The following TRIM41 variants were observed in gnomAD, a reference collection of about 807,000 sequenced individuals.
TRIM41 encodes the protein tripartite motif containing 41.
Under a neutral mutation model 60.6 loss-of-function variants are expected in TRIM41, and 21 were observed. The observed-to-expected ratio is 0.35, with a 90% CI of 0.25 to 0.50. TRIM41 has a LOEUF of 0.50. Ranked by LOEUF, TRIM41 falls within the 20% of genes least tolerant of loss-of-function variation. TRIM41 has a pLI of 0.98. For missense variants in TRIM41, 846 were observed against 868.3 expected (o/e 0.97, Z 0.32); for synonymous variants, 407 against 344.9 (o/e 1.18, Z -2.00).
In TRIM41 at chr5:181,235,252, AG is replaced by A; in HGVS notation, c.*479del. The A allele has an allele frequency of 6.2e-7, 1 of 1,601,956 alleles. No individual in the cohort carries two copies. On this transcript the variant is annotated 3_prime_UTR_variant, in exon 6 of 6. Coordinates refer to ENST00000315073, the MANE Select transcript of TRIM41 (RefSeq NM_033549.5). ...TGAGGGATTTGGAAGCCATTTGGGG[AG>A]GCAGGCTGGGCCAAAGGGTAGAGCT...
rs571163195 is a variant in TRIM41 at position 181,233,236 on chromosome 5, G to A, written c.1141-177G>A. 2.5e-5 allele frequency: 19 copies of A among 772,892 alleles called. No homozygotes were observed. Among genetic ancestry groups the A allele is most frequent in the South Asian group, 1.2e-4 (9 of 72,260 alleles). 47.9% of individuals were successfully genotyped at this position (772,892 alleles called of 1,614,324 possible). A position where few individuals can be genotyped will look rare whatever the true frequency, so the allele number is the denominator to read the frequency against. On this transcript the variant is annotated intron_variant, in intron 3 of 5. Coordinates refer to ENST00000315073, the MANE Select transcript of TRIM41 (RefSeq NM_033549.5). This position sits in a 1 kb window ranked among gnomAD's most constrained non-coding sequence, Gnocchi z 4.1. ...AGCAGGATGAGGCGAGTTAGGTATG[G>A]CGAGGCATGGGGTGGTTGAAATGGA...
Position 181,232,783 on chromosome 5 carries a change from G to A in TRIM41, c.1034G>A (p.Arg345His), listed in dbSNP as rs139355777. ...GAGATGCATGAAGCCCAGCTGGGGC[G>A]TGCGGGAGCCGCGGCTAGTCGCCTT... ...LREMHEAQLGRAGAAASRLAE... is the reference protein window; with the variant it reads ...LREMHEAQLGHAGAAASRLAE... Residue 345 changes from arginine to histidine, a missense_variant, in exon 3 of 6, where the codon CGT (arginine) becomes CAT (histidine). Arg to His is a conservative substitution (Grantham distance 29). Transcript: ENST00000315073. 562 of 1,611,304 alleles carry A rather than the reference G, an allele frequency of 3.5e-4. 1 individual carries two copies. Among genetic ancestry groups the A allele is most frequent in the Non-Finnish European group, 2.9e-4 (338 of 1,179,404 alleles).
chr5:181,230,914 G>A (rs749735225), intron 2 of TRIM41, 75 bp downstream of exon 2: 131 of 1,369,294 alleles, frequency 9.6e-5, no homozygotes, highest in Non-Finnish European at 1.2e-4. Context: ...CACTCTCACA[G>A]GGAGTGACTT....
In TRIM41 at chr5:181,224,089, C is replaced by T. The variant is rs1295243113; in HGVS notation, c.90C>T (p.Pro30=). The T allele has an allele frequency of 6.2e-7, 1 of 1,614,142 alleles. No homozygotes were observed. The highest frequency in any genetic ancestry group is 1.3e-5 in the African/African-American group (1 of 74,954). ...TCTGCCTCGATTACTTCACGGACCC[C>T]GTGTCCATCGGCTGCGGGCACAACT... ...CAICLDYFTD[P]VSIGCGHNFC... Residue 30 remains proline, a synonymous_variant, in exon 1 of 6, where the codon CCC becomes CCT. Transcript: ENST00000315073.
Position 181,224,721 on chromosome 5 carries a change from A to G in TRIM41, c.722A>G (p.Asp241Gly). Residue 241 changes from aspartate (D) to glycine (G), a missense_variant, in exon 1 of 6, where the codon GAC becomes GGC. Coordinates refer to ENST00000315073, the MANE Select transcript of TRIM41 (RefSeq NM_033549.5). ...GCCCTGAAGCTCTTCTGCGAGGTAGACGAAGAGGCCATCTGTGTGGTGTGC... is the reference window on the plus strand; with the variant it reads ...GCCCTGAAGCTCTTCTGCGAGGTAGGCGAAGAGGCCATCTGTGTGGTGTGC... ...QEALKLFCEV[D>G]EEAICVVCRE... 6.2e-7 allele frequency: 1 copy of G among 1,614,226 alleles called. No individual in the cohort carries two copies. Among genetic ancestry groups the G allele is most frequent in the Non-Finnish European group, 8.5e-7 (1 of 1,180,038 alleles).
At position 181,233,402 on chromosome 5, in the gene TRIM41, C is replaced by T. The variant is rs537908524; in HGVS notation, c.1141-11C>T. The T allele has an allele frequency of 2.5e-6, 4 of 1,613,882 alleles. No homozygotes were observed. Among genetic ancestry groups the T allele is most frequent in the South Asian group, 2.2e-5 (2 of 91,074 alleles). ...TCTCCCTCTCCCTCTTTTTGTTTCT[C>T]TTATTCCCAGGACATCAAGGAGACT... On this transcript the variant is annotated splice_polypyrimidine_tract_variant and intron_variant, in intron 3 of 5. Coordinates refer to ENST00000315073, the MANE Select transcript of TRIM41 (RefSeq NM_033549.5). This position sits in a 1 kb window ranked among gnomAD's most constrained non-coding sequence, Gnocchi z 4.1.
Position 181,224,226 on chromosome 5 carries a change from TG to T in TRIM41, c.232del (p.Ala78LeufsTer35), listed in dbSNP as rs1435804115. The T allele has an allele frequency of 1.2e-6, 2 of 1,608,854 alleles. No homozygotes were observed. Among genetic ancestry groups the T allele is most frequent in the Non-Finnish European group, 8.5e-7 (1 of 1,178,540 alleles). On this transcript the variant is annotated frameshift_variant, in exon 1 of 6. Transcript: ENST00000315073. LOFTEE classifies it high-confidence loss of function. ...EDGEEEEVEA[V>X]GAGAGWDTPM... ...GGAGAGGAGGAGGAAGTGGAGGCTGTGGGGGCTGGCGCGGGGTGGGACACCC... is the reference window on the plus strand; with the variant it reads ...GGAGAGGAGGAGGAAGTGGAGGCTGTGGGGCTGGCGCGGGGTGGGACACCC...
chr5:181,235,548 C>T lies in TRIM41; in HGVS notation c.*773C>T. On this transcript the variant is annotated 3_prime_UTR_variant, in exon 6 of 6. Coordinates refer to ENST00000315073, the MANE Select transcript of TRIM41 (RefSeq NM_033549.5). ...TCCCAGGTCTGCTCACTGCCAGGCTCCTCTCCCCTTTGTTCAGTGGAGCTG... is the reference window on the plus strand; with the variant it reads ...TCCCAGGTCTGCTCACTGCCAGGCTTCTCTCCCCTTTGTTCAGTGGAGCTG... 2 of 1,002,390 alleles carry T rather than the reference C, an allele frequency of 2.0e-6. No individual in the cohort carries two copies. The highest frequency in any genetic ancestry group is 1.6e-5 in the African/African-American group (1 of 62,320). 62.1% of individuals were successfully genotyped at this position (1,002,390 alleles called of 1,614,324 possible).
In TRIM41 at chr5:181,223,733, G is replaced by A. The variant is rs1758397349; in HGVS notation, c.-267G>A. On this transcript the variant is annotated 5_prime_UTR_variant, in exon 1 of 6. It introduces an in-frame stop codon into an upstream open reading frame of the 5' UTR. Coordinates refer to ENST00000315073, the MANE Select transcript of TRIM41 (RefSeq NM_033549.5). ...TTATGAGGAGTCCAAGGGAGCATTG[G>A]GGCAGACTTGTACTCAGAGCCACCT... 1 of 585,450 alleles carries A rather than the reference G, an allele frequency of 1.7e-6. No individual in the cohort carries two copies. Among genetic ancestry groups the A allele is most frequent in the Non-Finnish European group, 3.0e-6 (1 of 329,048 alleles). 36.3% of individuals were successfully genotyped at this position (585,450 alleles called of 1,614,324 possible).
chr5:181,230,692 T>C (rs1380013954), intron 1 of TRIM41, 52 bp from the exon 2 acceptor site: 1 of 1,497,936 alleles, frequency 6.7e-7, no homozygotes, highest in East Asian at 2.3e-5. Flanking sequence ...AGGTAGGCTC[T>C]GAAGGGCAGG....
intron 1 of TRIM41, chr5:181,225,036 T>C: frequency 1.6e-6 from 1 of 612,648 alleles, no homozygotes; most frequent in Non-Finnish European, 2.9e-6. Flanking sequence ...GATGGCTTCC[T>C]CAAAGCAAAT....
chr5:181,228,715 A>G (rs1582274048), intron 1 of TRIM41: 1 of 151,656 alleles, frequency 6.6e-6, no homozygotes, highest in Admixed American at 6.6e-5. Flanking sequence ...TGGGCAGATC[A>G]CTTGAGGGCA....
In TRIM41 at chr5:181,223,481, C is replaced by T. The variant is rs1487047463; in HGVS notation, c.-519C>T. 2 of 402,850 alleles carry T rather than the reference C, an allele frequency of 5.0e-6. No homozygotes were observed. Among genetic ancestry groups the T allele is most frequent in the Non-Finnish European group, 8.8e-6 (2 of 228,282 alleles). 25.0% of individuals were successfully genotyped at this position (402,850 alleles called of 1,614,324 possible). A position where few individuals can be genotyped will look rare whatever the true frequency, so the allele number is the denominator to read the frequency against. ...TTCTGCGTTCCCCGCGGCCTCTTAC[C>T]ACAGAGACGCGGGCCTCCACCGTCC... On this transcript the variant is annotated 5_prime_UTR_variant, in exon 1 of 6. Transcript: ENST00000315073.
rs1170470690 is a variant in TRIM41 at position 181,224,259 on chromosome 5, G to C, written c.260G>C (p.Arg87Pro). 1 of 1,613,608 alleles carries C rather than the reference G, an allele frequency of 6.2e-7. No homozygotes were observed. Among genetic ancestry groups the C allele is most frequent in the Non-Finnish European group, 8.5e-7 (1 of 1,179,888 alleles). ...GAGAGWDTPM[R>P]DEDYEGDMEE... is the part of the protein sequence containing the mutation. The stretch of plus-strand genomic sequence containing the variant: ...GGCGCGGGGTGGGACACCCCCATGC[G>C]GGATGAAGACTACGAGGGTGACATG... The change falls in exon 1 of 6, where the codon CGG becomes CCG. Residue 87 changes from arginine (R) to proline (P), a missense_variant. Transcript: ENST00000315073.
At position 181,234,864 on chromosome 5, in the gene TRIM41, T is replaced by C. The variant is rs1005994461; in HGVS notation, c.*89T>C. ...CGTAAGTTTGAGGGCTCAAAGGCTC[T>C]TCCCACTGCTTGTTACTGTGTTGCT... On this transcript the variant is annotated 3_prime_UTR_variant, in exon 6 of 6. Transcript: ENST00000315073. The surrounding 1 kb of genome is among the most constrained non-coding windows in gnomAD (Gnocchi z 5.6). The C allele has an allele frequency of 2.9e-5, 47 of 1,610,800 alleles. No homozygotes were observed. The highest frequency in any genetic ancestry group is 3.8e-5 in the Non-Finnish European group (45 of 1,179,374).
chr5:181,235,646 T>C lies in TRIM41; in HGVS notation c.*871T>C. ...TCTGAGGGGGAGCCTGGGGACGGGTTTGGGTCCCCAGGAGGAGAGCCTTGG... is the reference window on the plus strand; with the variant it reads ...TCTGAGGGGGAGCCTGGGGACGGGTCTGGGTCCCCAGGAGGAGAGCCTTGG... On this transcript the variant is annotated 3_prime_UTR_variant, in exon 6 of 6. Coordinates refer to ENST00000315073, the MANE Select transcript of TRIM41 (RefSeq NM_033549.5). 4 of 526,028 alleles carry C rather than the reference T, an allele frequency of 7.6e-6. No individual in the cohort carries two copies. Among genetic ancestry groups the C allele is most frequent in the Non-Finnish European group, 1.4e-5 (4 of 293,306 alleles). 32.6% of individuals were successfully genotyped at this position (526,028 alleles called of 1,614,324 possible).
chr5:181,224,439 G>GGGAGGATGA lies in TRIM41; in HGVS notation c.447_455dup (p.Asp152_Glu154dup), dbSNP rs1561666773. 6.2e-7 allele frequency: 1 copy of GGGAGGATGA among 1,613,274 alleles called. No homozygotes were observed. Among genetic ancestry groups the GGGAGGATGA allele is most frequent in the South Asian group, 1.1e-5 (1 of 91,030 alleles). ...GACATGGAGGAGGAGGACCTGAGGG[G>GGGAGGATGA]GGAGGATGAGGAGGACGAGGAGGAA... On this transcript the variant is annotated inframe_insertion, in exon 1 of 6. Transcript: ENST00000315073.
rs1258289267 is a variant in TRIM41, at chr5:181,235,403, G to A, written c.*628G>A. 2 of 1,614,190 alleles carry A rather than the reference G, an allele frequency of 1.2e-6. No homozygotes were observed. Among genetic ancestry groups the A allele is most frequent in the Admixed American group, 1.7e-5 (1 of 60,020 alleles). ...GAGAGAGATCTGGAATGGTCGCCAT[G>A]ATTGAAACCACGCACCATTACATCA... On this transcript the variant is annotated 3_prime_UTR_variant, in exon 6 of 6. Coordinates refer to ENST00000315073, the MANE Select transcript of TRIM41 (RefSeq NM_033549.5).
At position 181,233,695 on chromosome 5, in the gene TRIM41, A is replaced by G. The variant is rs1241180383; in HGVS notation, c.1223A>G (p.His408Arg). Residue 408 changes from histidine to arginine, a missense_variant, in exon 5 of 6, where the codon CAT becomes CGT. Coordinates refer to ENST00000315073, the MANE Select transcript of TRIM41 (RefSeq NM_033549.5). This position sits in a 1 kb window ranked among gnomAD's most constrained non-coding sequence, Gnocchi z 4.1. ...TGGTCCCCTGACCCGTGCCAACCCC[A>G]TAGCCATGACTTCCTGACAGATGCC... ...EVWSPDPCQPHSHDFLTDAIV... is the reference protein window; with the variant it reads ...EVWSPDPCQPRSHDFLTDAIV... The G allele has an allele frequency of 4.3e-6, 7 of 1,614,162 alleles. No homozygotes were observed. Among genetic ancestry groups the G allele is most frequent in the Non-Finnish European group, 5.9e-6 (7 of 1,180,034 alleles).
Sources: gnomAD v4.1 joint callset for allele counts on GRCh38, gnomAD v4.1.1 for gene constraint, Gnocchi (gnomAD v3.1) non-coding constraint, MANE v1.5 for transcripts, NCBI Gene and HGNC (gene_info 2026-07-23, HGNC 2026-07-21) for gene names.